CPEB3: variants seen among roughly 807,000 people sequenced by gnomAD.
The protein encoded by CPEB3 is cytoplasmic polyadenylation element binding protein 3.
Under a neutral mutation model 67.2 loss-of-function variants are expected in CPEB3, and 20 were observed. The ratio of observed to expected loss-of-function variants is 0.30; its 90% CI spans 0.21 to 0.43. CPEB3 has a LOEUF of 0.43. Among genes scored for constraint, CPEB3 ranks in the 20% least tolerant of loss-of-function variants. The probability of loss-of-function intolerance (pLI) is 1.00; values close to 1 mark genes in which losing one functional copy is unlikely to be tolerated. For missense variants in CPEB3, 746 were observed against 968.6 expected, an observed-to-expected ratio of 0.77 and a Z score of 3.05; for synonymous variants, 376 against 393.1, an observed-to-expected ratio of 0.96 and a Z score of 0.51.
chr10:92,141,926 G>C (rs1477179267), intron 6 of CPEB3, among the ~76,000 whole-genome samples: 1 of 150,806 alleles, frequency 6.6e-6, no homozygotes, highest in Admixed American at 6.6e-5. Flanking sequence ...GCTGAGGCAG[G>C]AGAATGGCGT....
In CPEB3 at chr10:92,192,555, G is replaced by A. The variant is rs750538023; in HGVS notation, c.1087C>T (p.Pro363Ser). The change falls in exon 3 of 10, where the codon CCT becomes TCT. Residue 363 changes from proline (P) to serine (S), a missense_variant. Physicochemically the swap from Pro to Ser is moderately conservative, Grantham distance 74. This residue lies in a region of CPEB3 where 643 missense variants were observed against 717.5 expected (regional missense o/e 0.90). Coordinates refer to ENST00000265997, the MANE Select transcript of CPEB3 (RefSeq NM_014912.5). ...LMDMIRTDHE[P>S]LKGKHYPPSG... ...GGAGGGTAGTGTTTACCTTTCAGAG[G>A]TTCATGATCAGTCCTTATCATATCC... is the stretch of plus-strand genomic sequence containing the variant. 1.1e-5 allele frequency: 18 copies of A among 1,613,760 alleles called. No homozygotes were observed. The Middle Eastern group carries it at 5.0e-4, about 44-fold the overall frequency.
intron 1 of CPEB3, among the ~76,000 whole-genome samples, chr10:92,287,089 A>AGTCATGCTG (rs1407025108): frequency 6.6e-6 from 1 of 151,620 alleles, no homozygotes. Context: ...TTTTGTCTAT[A>AGTCATGCTG]GTCATGCTGG....
At position 92,050,990 on chromosome 10, in the gene CPEB3, A is replaced by G. The variant is rs1841879126; in HGVS notation, c.*1222T>C. On this transcript the variant is annotated 3_prime_UTR_variant, in exon 10 of 10. Coordinates refer to ENST00000265997, the MANE Select transcript of CPEB3 (RefSeq NM_014912.5). The stretch of plus-strand genomic sequence containing the variant: ...CAGAGGCTTTAAACAGTTAAGTTTG[A>G]TCACAGTTAGACATAATCACTTTAC... 1 of 152,792 alleles carries G rather than the reference A, an allele frequency of 6.5e-6. No homozygotes were observed. The highest frequency in any genetic ancestry group is 2.4e-5 in the African/African-American group (1 of 41,580). 9.5% of individuals were successfully genotyped at this position (152,792 alleles called of 1,614,324 possible). A position where few individuals can be genotyped will look rare whatever the true frequency, so the allele number is the denominator to read the frequency against.
intron 2 of CPEB3, among the ~76,000 whole-genome samples, chr10:92,238,477 T>G (rs1165654582): frequency 6.6e-6 from 1 of 152,206 alleles, no homozygotes; most frequent in Non-Finnish European, 1.5e-5. Context: ...GACTTTCACT[T>G]TGCCCAGTTT....
At chr10:92,079,712 T>C (rs918287203) in intron 9 of CPEB3, among the ~76,000 whole-genome samples, 46 of 152,302 alleles carry the variant, frequency 3.0e-4, no homozygotes, top group Admixed American at 3.9e-4. Flanking sequence ...GAAAAATCCA[T>C]CACCAGTTAA....
rs60955898 is a variant in CPEB3 at position 92,229,171 on chromosome 10, A to G, written c.1005+10175T>C. 2.6e-5 allele frequency among the ~76,000 whole-genome samples: 4 copies of G among 152,010 alleles called. No homozygotes were observed. In the East Asian group the frequency reaches 7.7e-4, roughly 29 times the overall value. On this transcript the variant is annotated intron_variant, in intron 2 of 9. Transcript: ENST00000265997. ...CCTGAGTAGCTAGAACTACAAGCAT[A>G]TGACATCAGGCCCAGCTAATTTTAA... is the stretch of plus-strand genomic sequence containing the variant.
At chr10:92,157,497 G>A (rs1000137699) in intron 4 of CPEB3, among the ~76,000 whole-genome samples, 1 of 152,154 alleles carries the variant, frequency 6.6e-6, no homozygotes, top group Non-Finnish European at 1.5e-5. Context: ...GTTTTATGGG[G>A]ACTAAAGCCT....
intron 6 of CPEB3, among the ~76,000 whole-genome samples, chr10:92,122,295 T>G (rs145220562): frequency 7.9e-5 from 12 of 152,260 alleles, no homozygotes; most frequent in African/African-American, 2.9e-4. Flanking sequence ...TTCAGGAAGG[T>G]GCACAGGCCA....
At chr10:92,197,541 T>C (rs1185112370) in intron 2 of CPEB3, among the ~76,000 whole-genome samples, 1 of 152,192 alleles carries the variant, frequency 6.6e-6, no homozygotes, top group African/African-American at 2.4e-5. Flanking sequence ...TATTTGTTTT[T>C]ACAAGCAAAC....
At chr10:92,134,355 C>T (rs187848181) in intron 6 of CPEB3, among the ~76,000 whole-genome samples, 5 of 152,046 alleles carry the variant, frequency 3.3e-5, no homozygotes, top group Non-Finnish European at 5.9e-5. Context: ...AAATCACAAG[C>T]GTTCCTATAT....
chr10:92,121,589 AT>A (rs1209468784), intron 6 of CPEB3, among the ~76,000 whole-genome samples: 120 of 145,172 alleles, frequency 8.3e-4, no homozygotes, highest in East Asian at 3.0e-3. Context: ...AGAGATGTGT[AT>A]TTTTTTTTTT....
At chr10:92,192,710 G>A in intron 2 of CPEB3, 74 bp from the exon 3 acceptor site, 2 of 1,144,372 alleles carry the variant, frequency 1.7e-6, no homozygotes, top group Non-Finnish European at 1.2e-6. Flanking sequence ...TTTGCTTCCT[G>A]CTGTGGATTG....
chr10:92,075,907 G>C (rs970006849), intron 9 of CPEB3, among the ~76,000 whole-genome samples: 1 of 152,180 alleles, frequency 6.6e-6, no homozygotes, highest in African/African-American at 2.4e-5. Flanking sequence ...AGATAAAGGA[G>C]ATATACCAGT....
chr10:92,118,620 T>C (rs1436237730), intron 6 of CPEB3: 2 of 494,054 alleles, frequency 4.0e-6, no homozygotes, highest in East Asian at 8.3e-5. Flanking sequence ...TTAAAGGAGA[T>C]TAAAGAGATG....
intron 2 of CPEB3, among the ~76,000 whole-genome samples, chr10:92,235,544 C>T (rs1851489787): frequency 6.6e-6 from 1 of 152,134 alleles, no homozygotes; most frequent in Non-Finnish European, 1.5e-5. Flanking sequence ...TTATGGGATA[C>T]TTTACTATGG....
At chr10:92,111,833 G>C (rs138832915) in intron 6 of CPEB3, among the ~76,000 whole-genome samples, 6 of 152,262 alleles carry the variant, frequency 3.9e-5, no homozygotes, top group African/African-American at 7.2e-5. Context: ...TTTTAACAAA[G>C]CTTTGTTGAC....
intron 7 of CPEB3, among the ~76,000 whole-genome samples, chr10:92,105,774 C>T (rs574878816): frequency 2.9e-4 from 41 of 140,694 alleles, no homozygotes; most frequent in African/African-American, 9.8e-4. Flanking sequence ...GGCTGGAGTG[C>T]AGCAGCCCAA....
rs1218617788 is a variant in CPEB3, at chr10:92,262,111, A to G, written c.-11-21750T>C. 2.6e-5 allele frequency among the ~76,000 whole-genome samples: 4 copies of G among 152,218 alleles called. No homozygotes were observed. The East Asian group carries it at 5.8e-4, about 22-fold the overall frequency. On this transcript the variant is annotated intron_variant, in intron 1 of 9. Coordinates refer to ENST00000265997, the MANE Select transcript of CPEB3 (RefSeq NM_014912.5). ...TCTTCTTGAGGAAGCTGAGAAATAG[A>G]TATATGCACCAAATGTCCTAAGAGA...
At chr10:92,230,915 CT>C in intron 2 of CPEB3, among the ~76,000 whole-genome samples, 1 of 152,198 alleles carries the variant, frequency 6.6e-6, no homozygotes, top group East Asian at 1.9e-4. Context: ...ACACTGGCCC[CT>C]AAAGAGGGTC....
Sources: allele counts gnomAD v4.1 joint callset (sites outside exome capture counted in the v4.1 genomes callset), GRCh38; gene constraint gnomAD v4.1.1; regional missense constraint gnomAD v4.1.1; transcripts MANE v1.5; gene names NCBI Gene and HGNC (gene_info 2026-07-23, HGNC 2026-07-21).